Variants in ITIH5 observed in about 807,000 individuals in gnomAD.
ITIH5 encodes inter-alpha-trypsin inhibitor heavy chain H5.
In ITIH5, 65 loss-of-function variants were observed where a neutral mutation model predicts 77.5. The observed-to-expected ratio is 0.84, with a 90% CI of 0.69 to 1.03. The LOEUF is 1.03. Ranked by LOEUF, ITIH5 falls within the 50% of genes least tolerant of loss-of-function variation. The pLI is 0.00. For missense variants in ITIH5, 1,208 were observed against 1,213.1 expected (o/e 1.00, Z 0.06); for synonymous variants, 525 against 494.3 (o/e 1.06, Z -0.82).
chr10:7,572,524 T>C, intron 11 of ITIH5: 2 of 1,213,074 alleles, frequency 1.6e-6, no homozygotes, highest in Non-Finnish European at 2.1e-6. Context: ...CTAAAACAAA[T>C]GTCTTCTAAA....
chr10:7,629,505 G>C (rs886832926), intron 5 of ITIH5, among the ~76,000 whole-genome samples: 2 of 131,410 alleles, frequency 1.5e-5, no homozygotes, highest in Non-Finnish European at 3.6e-5. Flanking sequence ...GTGTGTCCAT[G>C]TTGCAGCGTG....
Position 7,566,091 on chromosome 10 carries a change from G to A in ITIH5, c.2466C>T (p.His822=). The change falls in exon 13 of 14, where the codon CAC becomes CAT. Residue 822 remains histidine, a synonymous_variant. Coordinates refer to ENST00000397146, the MANE Select transcript of ITIH5 (RefSeq NM_030569.7). Reference sequence around the variant, plus strand: ...TGTTGGCAATGTAGAAACCCAGGTGGTGTCGCTGGAAGGGCGCCGGCTTTT... The same window carrying A: ...TGTTGGCAATGTAGAAACCCAGGTGATGTCGCTGGAAGGGCGCCGGCTTTT... The part of the protein sequence containing the change: ...LYKKPAPFQR[H]HLGFYIANSE... 1 of 1,614,188 alleles carries A rather than the reference G, an allele frequency of 6.2e-7. No homozygotes were observed. The highest frequency in any genetic ancestry group is 8.5e-7 in the Non-Finnish European group (1 of 1,180,038).
chr10:7,666,757 AG>A, intron 1 of ITIH5, 45 bp downstream of exon 1: 1 of 1,509,680 alleles, frequency 6.6e-7, no homozygotes, highest in East Asian at 2.3e-5. Context: ...GGCGGAGGGA[AG>A]GGGGCGGCCG....
chr10:7,563,342 G>A lies in ITIH5; in HGVS notation c.2570C>T (p.Ala857Val), dbSNP rs760653731. Residue 857 changes from alanine (A) to valine (V), a missense_variant, in exon 14 of 14, where the codon GCA becomes GTA. By Grantham distance (64) the Ala-to-Val change is moderately conservative. Transcript: ENST00000397146. ...NQDARLTEDPAGPSQNLTHPL... is the reference protein window; with the variant it reads ...NQDARLTEDPVGPSQNLTHPL... Reference sequence around the variant, plus strand: ...GTGAGTGAGGTTCTGGCTGGGCCCTGCAGGGTCTTCTGTGAGTCTGGCATC... The same window carrying A: ...GTGAGTGAGGTTCTGGCTGGGCCCTACAGGGTCTTCTGTGAGTCTGGCATC... 3.7e-6 allele frequency: 6 copies of A among 1,614,096 alleles called. No homozygotes were observed. The South Asian group carries it at 5.5e-5, about 15-fold the overall frequency.
At position 7,576,931 on chromosome 10, in the gene ITIH5, C is replaced by G. The variant is rs539015990; in HGVS notation, c.1500G>C (p.Lys500Asn). The G allele has an allele frequency of 5.0e-6, 8 of 1,614,180 alleles. No individual in the cohort carries two copies. The African/African-American group carries it at 1.1e-4, about 22-fold the overall frequency. Reference sequence around the variant, plus strand: ...CGTTGAAGTAGTTGGGGAACAGGGTCTTGGTGGCCTGCACCACTGAGCTGG... The same window carrying G: ...CGTTGAAGTAGTTGGGGAACAGGGTGTTGGTGGCCTGCACCACTGAGCTGG... ...YPPSSVVQATKTLFPNYFNGS... is the reference protein window; with the variant it reads ...YPPSSVVQATNTLFPNYFNGS... The change falls in exon 10 of 14, where the codon AAG becomes AAC. Residue 500 changes from lysine to asparagine, a missense_variant. By Grantham distance (94) the Lys-to-Asn change is moderately conservative. Transcript: ENST00000397146.
chr10:7,640,148 CA>C (rs56939703), intron 4 of ITIH5, among the ~76,000 whole-genome samples: 16,452 of 80,514 alleles, frequency 0.2, 785 homozygotes, highest in South Asian at 0.26. Context: ...GGGGTAACTA[CA>C]AAAAAAAAAA....
At chr10:7,591,263 T>C (rs1472451730) in intron 7 of ITIH5, among the ~76,000 whole-genome samples, 2 of 152,218 alleles carry the variant, frequency 1.3e-5, no homozygotes, top group Non-Finnish European at 2.9e-5. Flanking sequence ...CTGTCTTTTA[T>C]TTCCTGCTAG....
intron 10 of ITIH5, 60 bp from the exon 11 acceptor site, chr10:7,573,255 T>A: frequency 7.0e-7 from 1 of 1,435,884 alleles, no homozygotes; most frequent in Non-Finnish European, 9.8e-7. Context: ...AAGAGAGAGG[T>A]GCAAAGGGAG....
At chr10:7,598,346 T>C (rs1178064734) in intron 7 of ITIH5, among the ~76,000 whole-genome samples, 2 of 152,190 alleles carry the variant, frequency 1.3e-5, no homozygotes, top group Non-Finnish European at 2.9e-5. Context: ...TTTGGAGAAA[T>C]GGCAGAAACT....
chr10:7,591,848 T>C (rs1287593024), intron 7 of ITIH5, among the ~76,000 whole-genome samples: 2 of 152,142 alleles, frequency 1.3e-5, no homozygotes, highest in Admixed American at 1.3e-4. Flanking sequence ...GCAGGAGCTT[T>C]TTCTGTTTTA....
intron 5 of ITIH5, among the ~76,000 whole-genome samples, chr10:7,623,802 CAAAAAA>C (rs55790282): frequency 2.5e-5 from 2 of 80,368 alleles, no homozygotes; most frequent in Non-Finnish European, 4.7e-5. Context: ...GACTCCATCT[CAAAAAA>C]AAAAAAAAAA....
chr10:7,565,978 G>A (rs1485068150), intron 13 of ITIH5, 52 bp downstream of exon 13: 2 of 1,557,698 alleles, frequency 1.3e-6, no homozygotes, highest in Non-Finnish European at 1.7e-6. Context: ...CTTTGCTTGG[G>A]AAATGTAACT....
At chr10:7,569,456 G>A in intron 12 of ITIH5, 1 of 419,814 alleles carries the variant, frequency 2.4e-6, no homozygotes, top group South Asian at 8.6e-5. Flanking sequence ...AACTCCCAAG[G>A]CATGTGCCCA....
Position 7,576,967 on chromosome 10 carries a change from G to T in ITIH5, c.1464C>A (p.Ile488=), listed in dbSNP as rs867184123. 6.2e-7 allele frequency: 1 copy of T among 1,613,908 alleles called. No homozygotes were observed. Among genetic ancestry groups the T allele is most frequent in the Non-Finnish European group, 8.5e-7 (1 of 1,179,870 alleles). ...GCACCACTGAGCTGGGGGGATAATC[G>T]ATGCGGATGTCAGAGAGGAGCGGGG... ...IRTPLLSDIR[I]DYPPSSVVQA... The change falls in exon 10 of 14, where the codon ATC becomes ATA. Residue 488 remains isoleucine (I), a synonymous_variant. Transcript: ENST00000397146.
intron 5 of ITIH5, among the ~76,000 whole-genome samples, chr10:7,628,873 G>GTTGTAGCGTGTGCCCA (rs1564269151): frequency 1.7e-5 from 1 of 60,124 alleles, no homozygotes; most frequent in African/African-American, 7.4e-5. Flanking sequence ...GCGTGTGTCC[G>GTTGTAGCGTGTGCCCA]TGTTGTAGCG....
intron 5 of ITIH5, chr10:7,621,971 TC>T (rs2131044559): frequency 6.6e-6 from 1 of 152,322 alleles, no homozygotes; most frequent in African/African-American, 2.4e-5. Flanking sequence ...CTTTCCTCCT[TC>T]GTGTTCTCTC....
rs1420842129 is a variant in ITIH5, at chr10:7,562,202, G to A, written c.*881C>T. 2 of 152,182 alleles carry A rather than the reference G, an allele frequency of 1.3e-5. No individual in the cohort carries two copies. The highest frequency in any genetic ancestry group is 4.8e-5 in the African/African-American group (2 of 41,436). The allele number at this position is 152,182 out of a possible 1,614,324, so 9.4% of individuals were successfully genotyped here. Reference sequence around the variant, plus strand: ...TCCTGGATGACCACAAGGAAAAAAGGTCTGGGAACTATGACAAAGGCTGGA... The same window carrying A: ...TCCTGGATGACCACAAGGAAAAAAGATCTGGGAACTATGACAAAGGCTGGA... On this transcript the variant is annotated 3_prime_UTR_variant, in exon 14 of 14. Transcript: ENST00000397146.
At chr10:7,604,967 GCCCACCACCACA>G (rs1397319694) in intron 7 of ITIH5, among the ~76,000 whole-genome samples, 1 of 151,940 alleles carries the variant, frequency 6.6e-6, no homozygotes, top group Non-Finnish European at 1.5e-5. Context: ...GATGATAGGT[GCCCACCACCACA>G]CCCAGCCAAT....
Position 7,617,214 on chromosome 10 carries a change from G to C in ITIH5, c.721C>G (p.Pro241Ala). Residue 241 changes from proline to alanine, a missense_variant, in exon 6 of 14, where the codon CCT (proline) becomes GCT (alanine). Physicochemically the swap from Pro to Ala is conservative, Grantham distance 27 (BLOSUM62 -1). Coordinates refer to ENST00000397146, the MANE Select transcript of ITIH5 (RefSeq NM_030569.7). The part of the protein sequence containing the change: ...NETFANIIFK[P>A]TVVQQARIAQ... Reference sequence around the variant, plus strand: ...ATCCTGGCTTGTTGTACTACAGTAGGTTTAAAAATTATGTTGGCAAATGTT... The same window carrying C: ...ATCCTGGCTTGTTGTACTACAGTAGCTTTAAAAATTATGTTGGCAAATGTT... 1 of 1,601,256 alleles carries C rather than the reference G, an allele frequency of 6.2e-7. No homozygotes were observed. The highest frequency in any genetic ancestry group is 8.5e-7 in the Non-Finnish European group (1 of 1,174,414).
Sources: gnomAD v4.1 joint callset for allele counts (sites outside exome capture counted in the v4.1 genomes callset) on GRCh38, gnomAD v4.1.1 for gene constraint, MANE v1.5 for transcripts, NCBI Gene and HGNC (gene_info 2026-07-23, HGNC 2026-07-21) for gene names.